The following UVRAG variants were observed in gnomAD, a reference collection of about 807,000 sequenced individuals.
The protein encoded by UVRAG is UV radiation resistance-associated gene protein.
UVRAG carries 19 observed loss-of-function variants against 78.0 expected under a neutral mutation model. That is an observed-to-expected ratio of 0.24 (90% CI 0.17 to 0.36). The LOEUF (loss-of-function observed/expected upper bound fraction) is 0.36. UVRAG is among the 10% of genes least tolerant of loss of function. The pLI, the probability that UVRAG is intolerant of heterozygous loss-of-function variation, is 1.00. For missense variants in UVRAG, 740 were observed against 853.8 expected (o/e 0.87, Z 1.66); for synonymous variants, 323 against 324.6 (o/e 1.00, Z 0.05).
chr11:76,125,098 A>T (rs1017425765), intron 14 of UVRAG, among the ~76,000 whole-genome samples: 6 of 152,130 alleles, frequency 3.9e-5, no homozygotes, highest in African/African-American at 7.2e-5. Context: ...CTGGCAGATG[A>T]CCCTCTAGGG....
intron 12 of UVRAG, among the ~76,000 whole-genome samples, chr11:76,053,374 T>C (rs899891945): frequency 4.0e-5 from 6 of 149,964 alleles, no homozygotes; most frequent in Admixed American, 4.0e-4. Context: ...CCTTCTCCCG[T>C]GTTTCCCATC....
intron 8 of UVRAG, among the ~76,000 whole-genome samples, chr11:75,998,996 G>A (rs1949758122): frequency 6.6e-6 from 1 of 152,158 alleles, no homozygotes; most frequent in South Asian, 2.1e-4. Flanking sequence ...GGGAATATGT[G>A]TGTTTTCAGG....
At chr11:76,127,523 C>T (rs940207828) in intron 14 of UVRAG, among the ~76,000 whole-genome samples, 8 of 151,186 alleles carry the variant, frequency 5.3e-5, no homozygotes, top group African/African-American at 1.5e-4. Context: ...TGGTGGTACA[C>T]GCCTGTAATC....
intron 2 of UVRAG, among the ~76,000 whole-genome samples, chr11:75,853,501 C>T (rs185840233): frequency 7.2e-5 from 11 of 152,162 alleles, no homozygotes; most frequent in African/African-American, 2.4e-4. Context: ...GCTGGGATTA[C>T]GGGCACATGC....
At chr11:75,973,247 A>T (rs1173594051) in intron 7 of UVRAG, among the ~76,000 whole-genome samples, 1 of 152,198 alleles carries the variant, frequency 6.6e-6, no homozygotes, top group Non-Finnish European at 1.5e-5. Context: ...TTTATCATGA[A>T]TCGTAGTTGG....
intron 11 of UVRAG, among the ~76,000 whole-genome samples, chr11:76,010,650 T>C (rs1204769106): frequency 6.6e-6 from 1 of 152,210 alleles, no homozygotes. Context: ...TAATTTCTTA[T>C]AAGATATCTA....
At chr11:76,123,087 C>T (rs1591262106) in intron 14 of UVRAG, among the ~76,000 whole-genome samples, 1 of 152,150 alleles carries the variant, frequency 6.6e-6, no homozygotes, top group African/African-American at 2.4e-5. Context: ...ATTCTTTTTA[C>T]CATATCACAG....
At chr11:75,964,811 T>C (rs998038471) in intron 7 of UVRAG, among the ~76,000 whole-genome samples, 1 of 152,224 alleles carries the variant, frequency 6.6e-6, no homozygotes, top group African/African-American at 2.4e-5. Flanking sequence ...GGGTAATTTT[T>C]TCCCCCTGCA....
chr11:76,033,643 CAAGTA>C lies in UVRAG; in HGVS notation c.1226+16667_1226+16671del, dbSNP rs372946532. On this transcript the variant is annotated intron_variant, in intron 12 of 14. Transcript: ENST00000356136. Reference sequence around the variant, plus strand: ...TATTTTTAAAACCTTTATTTATAAACAAGTAAAGGAGCAATCAACCTAATAAAAAT... The same window carrying C: ...TATTTTTAAAACCTTTATTTATAAACAAGGAGCAATCAACCTAATAAAAAT... Among the ~76,000 whole-genome samples the C allele has an allele frequency of 4.4e-3, 669 of 151,970 alleles. 1 individual carries two copies. Among genetic ancestry groups the C allele is most frequent in the African/African-American group, 0.015 (625 of 41,472 alleles).
At position 76,012,358 on chromosome 11, in the gene UVRAG, ATTAG is replaced by A. The variant is rs555414100; in HGVS notation, c.1060+3495_1060+3498del. The stretch of plus-strand genomic sequence containing the variant: ...AAAAAGAAAATTGAAGCTCAGAGAG[ATTAG>A]TTAATTTTTTCAAGGAGTCATATTA... On this transcript the variant is annotated intron_variant, in intron 11 of 14. Coordinates refer to ENST00000356136, the MANE Select transcript of UVRAG (RefSeq NM_003369.4). Among the ~76,000 whole-genome samples, 18 of 152,042 alleles carry A rather than the reference ATTAG, an allele frequency of 1.2e-4. No individual in the cohort carries two copies. In the South Asian group the frequency reaches 3.5e-3, roughly 30 times the overall value.
rs553374557 is a variant in UVRAG, at chr11:76,132,779, G to A, written c.1398-7932G>A. ...CACAAACTTAATGTAGGCAGGAAGA[G>A]AAGAGAAGGAAAATATACCAATCCA... is the stretch of plus-strand genomic sequence containing the variant. On this transcript the variant is annotated intron_variant, in intron 14 of 14. Coordinates refer to ENST00000356136, the MANE Select transcript of UVRAG (RefSeq NM_003369.4). Among the ~76,000 whole-genome samples the A allele has an allele frequency of 2.0e-5, 3 of 152,268 alleles. No individual in the cohort carries two copies. The South Asian group carries it at 6.2e-4, about 32-fold the overall frequency.
At chr11:75,946,385 GA>G (rs1424281652) in intron 6 of UVRAG, among the ~76,000 whole-genome samples, 2 of 152,216 alleles carry the variant, frequency 1.3e-5, no homozygotes, top group Non-Finnish European at 2.9e-5. Flanking sequence ...GGCTGTGAAA[GA>G]AGGATAATTA....
At position 76,040,019 on chromosome 11, in the gene UVRAG, T is replaced by TA. The variant is rs1369018210; in HGVS notation, c.1226+23040dup. On this transcript the variant is annotated intron_variant, in intron 12 of 14. Transcript: ENST00000356136. ...ATACATACCTTGTTTAGCTATGCCT[T>TA]ATGCTTCTCTGATTTGGCATAATAC... Among the ~76,000 whole-genome samples the TA allele has an allele frequency of 6.6e-5, 10 of 152,372 alleles. No individual in the cohort carries two copies. The South Asian group carries it at 1.7e-3, about 25-fold the overall frequency.
At chr11:75,879,502 A>G (rs567846236) in intron 3 of UVRAG, among the ~76,000 whole-genome samples, 1 of 152,310 alleles carries the variant, frequency 6.6e-6, no homozygotes, top group Non-Finnish European at 1.5e-5. Context: ...TTTGCACAAA[A>G]CAGTGTAATT....
intron 13 of UVRAG, among the ~76,000 whole-genome samples, chr11:76,100,367 G>T (rs1444663821): frequency 6.6e-6 from 1 of 152,030 alleles, no homozygotes; most frequent in African/African-American, 2.4e-5. Context: ...ACCCCATTGT[G>T]CCTGACACAT....
At chr11:76,120,856 C>T (rs1300230887) in intron 14 of UVRAG, among the ~76,000 whole-genome samples, 2 of 152,148 alleles carry the variant, frequency 1.3e-5, no homozygotes, top group Non-Finnish European at 1.5e-5. Flanking sequence ...GAGGAGTTAC[C>T]TCTCAAGCCT....
rs117082165 is a variant in UVRAG, at chr11:75,856,367, A to G, written c.235+4367A>G. ...ATGTAAATGCCTGCCCTCTCCTGGA[A>G]TACCGACTGTCTTGAATACATCAGA... is the stretch of plus-strand genomic sequence containing the variant. On this transcript the variant is annotated intron_variant, in intron 2 of 14. Transcript: ENST00000356136. 2.3e-3 allele frequency among the ~76,000 whole-genome samples: 348 copies of G among 152,276 alleles called. 10 individuals are homozygous for G. The East Asian group carries it at 0.034, about 15-fold the overall frequency.
chr11:76,013,851 C>G (rs535490948), intron 11 of UVRAG, among the ~76,000 whole-genome samples: 3 of 152,216 alleles, frequency 2.0e-5, no homozygotes, highest in African/African-American at 7.2e-5. Flanking sequence ...TTTTAAAATG[C>G]TTTTTAATAT....
At chr11:76,015,779 A>C (rs1319395396) in intron 11 of UVRAG, among the ~76,000 whole-genome samples, 1 of 152,156 alleles carries the variant, frequency 6.6e-6, no homozygotes, top group Non-Finnish European at 1.5e-5. Flanking sequence ...GAATGCGAAA[A>C]TTTTTATTGG....
Sources: allele counts gnomAD v4.1 joint callset (sites outside exome capture counted in the v4.1 genomes callset), GRCh38; gene constraint gnomAD v4.1.1; transcripts MANE v1.5; gene names NCBI Gene and HGNC (gene_info 2026-07-23, HGNC 2026-07-21).